Variants in SASH1 observed in about 807,000 individuals in gnomAD.
SASH1 encodes the protein SAM and SH3 domain-containing protein 1.
SASH1 carries 44 observed loss-of-function variants against 125.2 expected under a neutral mutation model. The ratio of observed to expected loss-of-function variants is 0.35; its 90% CI spans 0.28 to 0.45. The LOEUF is 0.45. Ranked by LOEUF, SASH1 falls within the 20% of genes least tolerant of loss-of-function variation. The probability of loss-of-function intolerance (pLI) is 1.00; values close to 1 mark genes in which losing one functional copy is unlikely to be tolerated. For missense variants in SASH1, 1,426 were observed against 1,614.5 expected, an observed-to-expected ratio of 0.88 and a Z score of 2.00; for synonymous variants, 639 against 649.1, an observed-to-expected ratio of 0.98 and a Z score of 0.24.
chr6:148,369,650 C>T (rs2114740998), intron 1 of SASH1, among the ~76,000 whole-genome samples: 2 of 73,256 alleles, frequency 2.7e-5, no homozygotes, highest in South Asian at 1.2e-3. Context: ...TGTTCCCTTT[C>T]CATGACAAAA....
chr6:148,399,466 G>T (rs1225280455), intron 2 of SASH1, among the ~76,000 whole-genome samples: 2 of 151,892 alleles, frequency 1.3e-5, no homozygotes, highest in African/African-American at 4.8e-5. Flanking sequence ...CCTCAGGTGA[G>T]CCACCCGCGT....
intron 2 of SASH1, among the ~76,000 whole-genome samples, chr6:148,395,489 C>G (rs1283151139): frequency 1.3e-5 from 2 of 152,176 alleles, no homozygotes; most frequent in African/African-American, 4.8e-5. Context: ...GATAAAGTGT[C>G]TTTGGGGCCA....
intron 1 of SASH1, among the ~76,000 whole-genome samples, chr6:148,289,709 T>C (rs577006914): frequency 6.6e-6 from 1 of 152,164 alleles, no homozygotes; most frequent in African/African-American, 2.4e-5. Flanking sequence ...GTTTTGTGTG[T>C]TGAGGAATAG....
chr6:148,212,986 G>A, the SASH1 span, among the ~76,000 whole-genome samples: 2 of 152,226 alleles, frequency 1.3e-5, no homozygotes, highest in South Asian at 2.1e-4. Flanking sequence ...GCTTCTCCTG[G>A]TAAGAACAAG....
chr6:148,449,078 C>CTTTTTCTTTTTTTTTTTTTTTTTTTTT, intron 4 of SASH1, among the ~76,000 whole-genome samples: 1 of 88,734 alleles, frequency 1.1e-5, no homozygotes, highest in African/African-American at 4.3e-5. Context: ...CATTTCATTT[C>CTTTTTCTTTTTTTTTTTTTTTTTTTTT]TTTTTTTTTT....
intron 1 of SASH1, among the ~76,000 whole-genome samples, chr6:148,348,590 G>T (rs140363694): frequency 1.3e-5 from 2 of 152,286 alleles, no homozygotes; most frequent in Non-Finnish European, 2.9e-5. Flanking sequence ...CTTGTAGGAG[G>T]TGTGGTCAGT....
chr6:148,213,533 T>TGTGTGTGTGTGTGTGTGTGTGTGTGTG, the SASH1 span, among the ~76,000 whole-genome samples: 2 of 151,386 alleles, frequency 1.3e-5, no homozygotes, highest in African/African-American at 2.4e-5. Flanking sequence ...TGTGTGTGTG[T>TGTGTGTGTGTGTGTGTGTGTGTGTGTG]TTAAAGTGTT....
chr6:148,443,023 G>A (rs908824659), intron 4 of SASH1, among the ~76,000 whole-genome samples: 5 of 151,674 alleles, frequency 3.3e-5, no homozygotes, highest in African/African-American at 9.7e-5. Flanking sequence ...TGATCTGCCC[G>A]CCTCAGCCTC....
At chr6:148,523,966 G>C (rs1369028249) in intron 10 of SASH1, among the ~76,000 whole-genome samples, 1 of 151,812 alleles carries the variant, frequency 6.6e-6, no homozygotes, top group Non-Finnish European at 1.5e-5. Flanking sequence ...AAAGCTCAGA[G>C]AGTGTAAGTA....
chr6:148,303,026 G>A (rs1215565240), intron 1 of SASH1, among the ~76,000 whole-genome samples: 1 of 151,900 alleles, frequency 6.6e-6, no homozygotes, highest in Non-Finnish European at 1.5e-5. Flanking sequence ...TGTTGCTCAG[G>A]CTGGAGTGCA....
intron 2 of SASH1, among the ~76,000 whole-genome samples, chr6:148,413,212 G>C (rs920858970): frequency 1.4e-4 from 22 of 152,154 alleles, no homozygotes; most frequent in Non-Finnish European, 1.0e-4. Flanking sequence ...ACATTGTTCT[G>C]TTGTTAAGAG....
At chr6:148,339,565 T>G (rs1169150893), upstream of SASH1, among the ~76,000 whole-genome samples, 2 of 151,772 alleles carry the variant, frequency 1.3e-5, no homozygotes, top group Admixed American at 6.6e-5. Flanking sequence ...TCTATATAGA[T>G]GTATTTTTTG....
At chr6:148,283,715 A>G (rs774680697) in intron 1 of SASH1, among the ~76,000 whole-genome samples, 1 of 152,034 alleles carries the variant, frequency 6.6e-6, no homozygotes, top group Non-Finnish European at 1.5e-5. Context: ...CGGAGGTTGC[A>G]GGGAGCCAAG....
intron 1 of SASH1, among the ~76,000 whole-genome samples, chr6:148,353,560 G>T (rs1024250272): frequency 3.3e-5 from 5 of 149,964 alleles, no homozygotes; most frequent in African/African-American, 1.2e-4. Context: ...TCAGCCTCCT[G>T]AGTAGCTGGG....
intron 2 of SASH1, among the ~76,000 whole-genome samples, chr6:148,428,842 C>T (rs1347436463): frequency 6.6e-6 from 1 of 152,072 alleles, no homozygotes; most frequent in African/African-American, 2.4e-5. Context: ...CCCCTTAGAA[C>T]CTTTCTTCTT....
the SASH1 span, among the ~76,000 whole-genome samples, chr6:148,235,342 A>G: frequency 6.6e-6 from 1 of 152,210 alleles, no homozygotes; most frequent in African/African-American, 2.4e-5. Context: ...AGAAAAGACA[A>G]AATCAGAAAA....
At chr6:148,255,995 A>G in the SASH1 span, among the ~76,000 whole-genome samples, 1 of 152,192 alleles carries the variant, frequency 6.6e-6, no homozygotes, top group African/African-American at 2.4e-5. Context: ...TAGTATCTAC[A>G]GAATGGACAT....
At chr6:148,254,048 A>G in the SASH1 span, among the ~76,000 whole-genome samples, 1 of 152,028 alleles carries the variant, frequency 6.6e-6, no homozygotes, top group African/African-American at 2.4e-5. Flanking sequence ...TCTACTAAAA[A>G]TACAAAAATT....
In SASH1 at chr6:148,470,382, A is replaced by G. The variant is rs557401284; in HGVS notation, c.428-1035A>G. Reference sequence around the variant, plus strand: ...GGCACCACCAGTCTAGACTGGGGAAACCCATCACTTCGCTGGGCCCTGTTT... The same window carrying G: ...GGCACCACCAGTCTAGACTGGGGAAGCCCATCACTTCGCTGGGCCCTGTTT... On this transcript the variant is annotated intron_variant, in intron 5 of 19. Coordinates refer to ENST00000367467, the MANE Select transcript of SASH1 (RefSeq NM_015278.5). Among the ~76,000 whole-genome samples the G allele has an allele frequency of 3.9e-5, 6 of 152,272 alleles. No individual in the cohort carries two copies. In the South Asian group the frequency reaches 1.2e-3, roughly 32 times the overall value.
Sources: allele counts gnomAD v4.1 joint callset (sites outside exome capture counted in the v4.1 genomes callset), GRCh38; gene constraint gnomAD v4.1.1; transcripts MANE v1.5; gene names NCBI Gene and HGNC (gene_info 2026-07-23, HGNC 2026-07-21).